The following TECPR2 variants were observed in gnomAD, a reference collection of about 807,000 sequenced individuals.
TECPR2 encodes tectonin beta-propeller repeat containing 2.
A neutral mutation model predicts 138.1 loss-of-function variants in TECPR2; 65 were observed. The observed-to-expected ratio is 0.47, with a 90% CI of 0.39 to 0.58. The LOEUF (loss-of-function observed/expected upper bound fraction) is 0.58. Among genes scored for constraint, TECPR2 ranks in the 20% least tolerant of loss-of-function variants. The probability of loss-of-function intolerance (pLI) is 0.00; values close to 1 mark genes in which losing one functional copy is unlikely to be tolerated. For missense variants in TECPR2, 1,553 were observed against 1,824.5 expected (o/e 0.85, Z 2.71); for synonymous variants, 746 against 749.8 (o/e 0.99, Z 0.08).
chr14:102,452,075 ACTT>A (rs1173787678), intron 15 of TECPR2, among the ~76,000 whole-genome samples: 1 of 152,040 alleles, frequency 6.6e-6, no homozygotes, highest in Non-Finnish European at 1.5e-5. Context: ...CAAGTGAAAA[ACTT>A]CTCAGCCCAT....
intron 17 of TECPR2, among the ~76,000 whole-genome samples, chr14:102,480,209 T>TG (rs1555454547): frequency 0.013 from 1,209 of 89,910 alleles, 20 homozygotes; most frequent in African/African-American, 0.066. Context: ...GCATCTTGGT[T>TG]GGTTTTTTTT....
At chr14:102,382,070 G>T (rs1000069711) in intron 2 of TECPR2, among the ~76,000 whole-genome samples, 32 of 152,188 alleles carry the variant, frequency 2.1e-4, no homozygotes, top group South Asian at 2.1e-4. Context: ...GAGGCGGGTG[G>T]ATCACGAGGT....
At chr14:102,427,595 C>A (rs1044461941) in intron 6 of TECPR2, among the ~76,000 whole-genome samples, 1 of 152,182 alleles carries the variant, frequency 6.6e-6, no homozygotes, top group African/African-American at 2.4e-5. Flanking sequence ...CTCAGGATGT[C>A]CTGTGTTTTG....
intron 13 of TECPR2, among the ~76,000 whole-genome samples, chr14:102,448,760 G>A (rs1011301971): frequency 2.6e-5 from 4 of 152,088 alleles, no homozygotes; most frequent in East Asian, 1.9e-4. Flanking sequence ...CCAGCTACTC[G>A]GGAGGCTGAG....
chr14:102,450,351 A>G lies in TECPR2; in HGVS notation c.3317-209A>G, dbSNP rs140723597. 1.6e-3 allele frequency among the ~76,000 whole-genome samples: 251 copies of G among 152,244 alleles called. 3 individuals carry two copies. Among genetic ancestry groups the G allele is most frequent in the African/African-American group, 5.8e-3 (241 of 41,540 alleles). ...GCCCTCTCCCTGCTGCATGGCCTCCACGACCCTGGACTGGGTGTGGCTCTG... is the reference window on the plus strand; with the variant it reads ...GCCCTCTCCCTGCTGCATGGCCTCCGCGACCCTGGACTGGGTGTGGCTCTG... On this transcript the variant is annotated intron_variant, in intron 14 of 19. Coordinates refer to ENST00000359520, the MANE Select transcript of TECPR2 (RefSeq NM_014844.5).
At chr14:102,410,476 AAAAAATAAAAAAT>A (rs1454211496) in intron 4 of TECPR2, among the ~76,000 whole-genome samples, 2,332 of 73,058 alleles carry the variant, frequency 0.032, 92 homozygotes, top group African/African-American at 0.1. Context: ...AAATTAAAAA[AAAAAATAAAAAAT>A]AAAAAATAAA....
At chr14:102,386,816 T>C (rs1340909832) in intron 2 of TECPR2, among the ~76,000 whole-genome samples, 2 of 152,150 alleles carry the variant, frequency 1.3e-5, no homozygotes, top group South Asian at 2.1e-4. Context: ...ATTTATGTTG[T>C]TGTTGTTGTC....
At chr14:102,449,325 A>G (rs1488667529) in intron 13 of TECPR2, among the ~76,000 whole-genome samples, 6 of 152,260 alleles carry the variant, frequency 3.9e-5, no homozygotes, top group Non-Finnish European at 8.8e-5. Context: ...TGATAATCAC[A>G]AAAGTAATAC....
rs565850108 is a variant in TECPR2, at chr14:102,431,999, A to G, written c.1288A>G (p.Thr430Ala). 6 of 1,612,444 alleles carry G rather than the reference A, an allele frequency of 3.7e-6. No homozygotes were observed. In the African/African-American group the frequency reaches 8.0e-5, roughly 22 times the overall value. The change falls in exon 8 of 20, where the codon ACC becomes GCC. Residue 430 changes from threonine (T) to alanine (A), a missense_variant. Thr to Ala is a moderately conservative substitution (Grantham distance 58). Coordinates refer to ENST00000359520, the MANE Select transcript of TECPR2 (RefSeq NM_014844.5). ...GCTCCTGCCCCCTGGGCTCCAGGCC[A>G]CCCCTGAGCTGGGCAAGGGCAGCCA... ...SGLLPPGLQA[T>A]PELGKGSQPL...
At chr14:102,487,651 C>T (rs1262520316) in intron 17 of TECPR2, among the ~76,000 whole-genome samples, 2 of 152,184 alleles carry the variant, frequency 1.3e-5, no homozygotes, top group Admixed American at 6.5e-5. Context: ...ACACCATTCT[C>T]CTGCCTCAGA....
intron 17 of TECPR2, among the ~76,000 whole-genome samples, chr14:102,482,267 C>G (rs2139787614): frequency 6.6e-6 from 1 of 152,150 alleles, no homozygotes; most frequent in Non-Finnish European, 1.5e-5. Context: ...CATTGGCCAG[C>G]CTGGTCTCAA....
At chr14:102,376,600 C>G in intron 1 of TECPR2, 50 bp from the exon 2 acceptor site, 1 of 848,844 alleles carries the variant, frequency 1.2e-6, no homozygotes, top group Non-Finnish European at 1.9e-6. Flanking sequence ...AAACATACTT[C>G]TTTTTGCCAT....
At chr14:102,476,890 A>T (rs574403508) in intron 17 of TECPR2, among the ~76,000 whole-genome samples, 1 of 151,996 alleles carries the variant, frequency 6.6e-6, no homozygotes, top group South Asian at 2.1e-4. Flanking sequence ...CCCCGTCTGT[A>T]CAAAAAATAC....
chr14:102,399,667 A>G (rs984963517), intron 2 of TECPR2, among the ~76,000 whole-genome samples: 1 of 152,030 alleles, frequency 6.6e-6, no homozygotes, highest in Non-Finnish European at 1.5e-5. Context: ...CATCTCTACT[A>G]AAAATACAAG....
Position 102,498,814 on chromosome 14 carries a change from G to C in TECPR2, c.*557G>C. ...GCCAGGAAGCTGAGGCCGGGCTTGA[G>C]AGGAGAGCGCTGGCCATGCCAGGAG... On this transcript the variant is annotated 3_prime_UTR_variant, in exon 20 of 20. Coordinates refer to ENST00000359520, the MANE Select transcript of TECPR2 (RefSeq NM_014844.5). The C allele has an allele frequency of 3.5e-6, 2 of 575,126 alleles. No homozygotes were observed. The highest frequency in any genetic ancestry group is 6.6e-6 in the Non-Finnish European group (2 of 301,852). The allele number at this position is 575,126 out of a possible 1,614,324, so 35.6% of individuals were successfully genotyped here. A position where few individuals can be genotyped will look rare whatever the true frequency, so the allele number is the denominator to read the frequency against.
At chr14:102,474,634 A>G (rs941909997) in intron 17 of TECPR2, among the ~76,000 whole-genome samples, 3 of 152,164 alleles carry the variant, frequency 2.0e-5, no homozygotes, top group Non-Finnish European at 4.4e-5. Flanking sequence ...CAAAAAAAAG[A>G]CTATTTTGAT....
At position 102,498,729 on chromosome 14, in the gene TECPR2, C is replaced by T. The variant is rs1021467934; in HGVS notation, c.*472C>T. ...GTGCTCGGTGATGGCTTTGTCCCAT[C>T]ATAGGGGGGTGTCCCCCCAGAGACA... On this transcript the variant is annotated 3_prime_UTR_variant, in exon 20 of 20. Coordinates refer to ENST00000359520, the MANE Select transcript of TECPR2 (RefSeq NM_014844.5). 8 of 447,676 alleles carry T rather than the reference C, an allele frequency of 1.8e-5. No homozygotes were observed. Among genetic ancestry groups the T allele is most frequent in the African/African-American group, 3.9e-5 (2 of 51,004 alleles). 27.7% of individuals were successfully genotyped at this position (447,676 alleles called of 1,614,324 possible). A position where few individuals can be genotyped will look rare whatever the true frequency, so the allele number is the denominator to read the frequency against.
chr14:102,502,250 C>T lies in TECPR2; in HGVS notation c.*3993C>T, dbSNP rs1226375609. The T allele has an allele frequency of 6.6e-6, 1 of 152,520 alleles. No homozygotes were observed. The highest frequency in any genetic ancestry group is 1.5e-5 in the Non-Finnish European group (1 of 68,018). The allele number at this position is 152,520 out of a possible 1,614,324, so 9.4% of individuals were successfully genotyped here. A position where few individuals can be genotyped will look rare whatever the true frequency, so the allele number is the denominator to read the frequency against. On this transcript the variant is annotated 3_prime_UTR_variant, in exon 20 of 20. Coordinates refer to ENST00000359520, the MANE Select transcript of TECPR2 (RefSeq NM_014844.5). ...GGGAGAGAAGGGGGAGGGAGACAAC[C>T]CAAACGTTGGAGGGTATTTGTTGTA...
Position 102,418,452 on chromosome 14 carries a change from G to A in TECPR2, c.638+3659G>A, listed in dbSNP as rs954883480. 2.0e-5 allele frequency among the ~76,000 whole-genome samples: 3 copies of A among 152,248 alleles called. 1 individual carries two copies. Among genetic ancestry groups the A allele is most frequent in the Non-Finnish European group, 4.4e-5 (3 of 68,048 alleles). On this transcript the variant is annotated intron_variant, in intron 5 of 19. Transcript: ENST00000359520. ...TGACAGGGAAGGCTCCTCTGAGGAG[G>A]TAGCATGGGCTGATTCCTGAAACAA... is the stretch of plus-strand genomic sequence containing the variant.
Sources: gnomAD v4.1 joint callset for allele counts (sites outside exome capture counted in the v4.1 genomes callset) on GRCh38, gnomAD v4.1.1 for gene constraint, MANE v1.5 for transcripts, NCBI Gene and HGNC (gene_info 2026-07-23, HGNC 2026-07-21) for gene names.